ARHGAP15: variants seen among roughly 807,000 people sequenced by gnomAD.
ARHGAP15 encodes the protein Rho GTPase activating protein 15, also known as rho GTPase-activating protein 15.
Under a neutral mutation model 63.7 loss-of-function variants are expected in ARHGAP15, and 51 were observed. The observed-to-expected ratio is 0.80, with a 90% CI of 0.64 to 1.01. ARHGAP15 has a LOEUF of 1.01. Among genes scored for constraint, ARHGAP15 ranks in the 50% least tolerant of loss-of-function variants. The pLI, the probability that ARHGAP15 is intolerant of heterozygous loss-of-function variation, is 0.00. For missense variants in ARHGAP15, 560 were observed against 564.6 expected, an observed-to-expected ratio of 0.99 and a Z score of 0.08; for synonymous variants, 191 against 193.8, an observed-to-expected ratio of 0.99 and a Z score of 0.12.
chr2:143,168,367 C>T (rs1463262975), intron 2 of ARHGAP15, among the ~76,000 whole-genome samples: 11 of 152,066 alleles, frequency 7.2e-5, no homozygotes, highest in South Asian at 2.1e-4. Context: ...TTTGTAGAAA[C>T]GGGGTCTTGC....
intron 9 of ARHGAP15, among the ~76,000 whole-genome samples, chr2:143,492,401 CA>C (rs1692623128): frequency 1.3e-5 from 2 of 152,260 alleles, no homozygotes; most frequent in African/African-American, 4.8e-5. Context: ...CTATGTCATA[CA>C]AACTTATTTT....
At chr2:143,652,305 G>A (rs1681209398) in intron 12 of ARHGAP15, among the ~76,000 whole-genome samples, 1 of 152,010 alleles carries the variant, frequency 6.6e-6, no homozygotes, top group Admixed American at 6.6e-5. Context: ...GCAAAAAACA[G>A]CCATAGGCAA....
intron 5 of ARHGAP15, among the ~76,000 whole-genome samples, chr2:143,245,555 G>A (rs1286746466): frequency 6.6e-6 from 1 of 152,046 alleles, no homozygotes; most frequent in Non-Finnish European, 1.5e-5. Flanking sequence ...GGCAATAACG[G>A]AAAGGAAATA....
intron 12 of ARHGAP15, among the ~76,000 whole-genome samples, chr2:143,661,236 C>G (rs1304421754): frequency 6.6e-6 from 1 of 152,172 alleles, no homozygotes; most frequent in Non-Finnish European, 1.5e-5. Flanking sequence ...TTAACTTGAT[C>G]ACACTTGCAA....
At chr2:143,626,925 G>A (rs58994850) in intron 12 of ARHGAP15, among the ~76,000 whole-genome samples, 31,350 of 152,062 alleles carry the variant, frequency 0.21, 3,829 homozygotes, top group Middle Eastern at 0.29. Context: ...TAAGAGATGG[G>A]GGGGCTTTAG....
At chr2:143,400,791 T>C (rs1165714792) in intron 6 of ARHGAP15, among the ~76,000 whole-genome samples, 3 of 152,032 alleles carry the variant, frequency 2.0e-5, no homozygotes, top group African/African-American at 7.2e-5. Context: ...TGCAGGGTAT[T>C]GTTTAGTCTC....
At chr2:143,255,910 T>G (rs1266956098) in intron 6 of ARHGAP15, among the ~76,000 whole-genome samples, 3 of 152,158 alleles carry the variant, frequency 2.0e-5, no homozygotes, top group African/African-American at 7.2e-5. Flanking sequence ...TTTTTTGCCC[T>G]ACAGCTTGTC....
intron 12 of ARHGAP15, among the ~76,000 whole-genome samples, chr2:143,679,961 A>T (rs1683021355): frequency 6.7e-6 from 1 of 149,164 alleles, no homozygotes; most frequent in African/African-American, 2.5e-5. Flanking sequence ...GCTAACTAAC[A>T]TTCTCACAGA....
chr2:143,469,919 C>G (rs915001841), intron 8 of ARHGAP15, among the ~76,000 whole-genome samples: 2 of 152,138 alleles, frequency 1.3e-5, no homozygotes, highest in Admixed American at 6.5e-5. Context: ...CTGGACTACC[C>G]TTTCCAAGAA....
intron 9 of ARHGAP15, among the ~76,000 whole-genome samples, chr2:143,490,331 C>A (rs1407186280): frequency 6.6e-6 from 1 of 152,092 alleles, no homozygotes; most frequent in Non-Finnish European, 1.5e-5. Context: ...TTTATTCTTT[C>A]ACGTAATTCA....
At chr2:143,645,661 C>A (rs904784233) in intron 12 of ARHGAP15, among the ~76,000 whole-genome samples, 6 of 151,772 alleles carry the variant, frequency 4.0e-5, no homozygotes. Context: ...TAATTAGATT[C>A]TTTTGAATGG....
At position 143,487,359 on chromosome 2, in the gene ARHGAP15, T is replaced by C; in HGVS notation, c.704-14T>C. ...GAAATTTACCAAAAGCCTCTGATTT[T>C]TTTAAATCTTCAGTGTTCAGACTGC... On this transcript the variant is annotated splice_polypyrimidine_tract_variant and intron_variant, in intron 8 of 13. Coordinates refer to ENST00000295095, the MANE Select transcript of ARHGAP15 (RefSeq NM_018460.4). The C allele has an allele frequency of 1.3e-6, 2 of 1,589,620 alleles. No homozygotes were observed. The highest frequency in any genetic ancestry group is 1.7e-6 in the Non-Finnish European group (2 of 1,173,142).
intron 8 of ARHGAP15, among the ~76,000 whole-genome samples, chr2:143,440,784 G>T (rs1418583595): frequency 5.3e-5 from 8 of 152,148 alleles, no homozygotes; most frequent in Non-Finnish European, 5.9e-5. Context: ...GGGAAACTCA[G>T]GACACCAGCC....
intron 3 of ARHGAP15, among the ~76,000 whole-genome samples, chr2:143,211,079 A>T (rs960229354): frequency 5.9e-5 from 9 of 152,260 alleles, no homozygotes; most frequent in African/African-American, 1.9e-4. Context: ...TGGAGTTTTA[A>T]GGTATTTTTT....
At chr2:143,552,556 A>T (rs1374352447) in intron 10 of ARHGAP15, among the ~76,000 whole-genome samples, 21 of 137,780 alleles carry the variant, frequency 1.5e-4, no homozygotes. Flanking sequence ...TCAGGAGAAA[A>T]AAAAGTCGGG....
intron 6 of ARHGAP15, among the ~76,000 whole-genome samples, chr2:143,293,551 T>A (rs1417766883): frequency 2.0e-5 from 3 of 152,038 alleles, no homozygotes; most frequent in Non-Finnish European, 2.9e-5. Flanking sequence ...AGTGTGATTT[T>A]ATTTATTTCG....
chr2:143,501,379 A>G (rs1022761044), intron 9 of ARHGAP15, among the ~76,000 whole-genome samples: 3 of 152,222 alleles, frequency 2.0e-5, no homozygotes, highest in Admixed American at 1.3e-4. Context: ...ATAGGAGACC[A>G]TTTGATATTA....
chr2:143,371,703 C>T (rs1264686616), intron 6 of ARHGAP15, among the ~76,000 whole-genome samples: 2 of 152,134 alleles, frequency 1.3e-5, no homozygotes, highest in African/African-American at 2.4e-5. Context: ...ACTGAAACAT[C>T]ACATTACAAC....
chr2:143,700,315 G>A lies in ARHGAP15; in HGVS notation c.1139-3104G>A, dbSNP rs181075088. Among the ~76,000 whole-genome samples, 44 of 152,102 alleles carry A rather than the reference G, an allele frequency of 2.9e-4. 1 individual carries two copies. In the East Asian group the frequency reaches 7.5e-3, roughly 26 times the overall value. On this transcript the variant is annotated intron_variant, in intron 12 of 13. Transcript: ENST00000295095. ...AATCAGCTCTTTCTAATTAAGCAAC[G>A]GCCAATCTTTTCTAACCCCACCCTG...
Sources: gnomAD v4.1 joint callset for allele counts (sites outside exome capture counted in the v4.1 genomes callset) on GRCh38, gnomAD v4.1.1 for gene constraint, MANE v1.5 for transcripts, NCBI Gene and HGNC (gene_info 2026-07-23, HGNC 2026-07-21) for gene names.